Variants in OCA2 observed in about 807,000 individuals in gnomAD.
OCA2 encodes the protein P protein.
In OCA2, 77 loss-of-function variants were observed where a neutral mutation model predicts 100.2. The ratio of observed to expected loss-of-function variants is 0.77; its 90% CI spans 0.64 to 0.93. The LOEUF is 0.93. Ranked by LOEUF, OCA2 falls within the 40% of genes least tolerant of loss-of-function variation. OCA2 has a pLI of 0.00. For synonymous variants in OCA2, 432 were observed against 439.2 expected, an observed-to-expected ratio of 0.98 and a Z score of 0.21; for missense variants, 1,062 against 1,089.1, an observed-to-expected ratio of 0.98 and a Z score of 0.35.
At chr15:28,048,664 A>T (rs571835998) in intron 2 of OCA2, among the ~76,000 whole-genome samples, 4 of 152,200 alleles carry the variant, frequency 2.6e-5, no homozygotes, top group Admixed American at 2.0e-4. Flanking sequence ...ACAGAAAAAA[A>T]AATAGATAAA....
intron 21 of OCA2, among the ~76,000 whole-genome samples, chr15:27,864,107 C>G (rs548951639): frequency 8.5e-5 from 13 of 152,238 alleles, no homozygotes; most frequent in African/African-American, 3.1e-4. Flanking sequence ...CAGAGGGCAT[C>G]CATTGTGCAC....
chr15:27,960,937 C>T (rs1270441084), intron 15 of OCA2, among the ~76,000 whole-genome samples: 1 of 150,748 alleles, frequency 6.6e-6, no homozygotes, highest in African/African-American at 2.4e-5. Context: ...GTAACAAAAG[C>T]CAAAATTGAC....
chr15:28,075,195 G>A (rs892861440), intron 2 of OCA2, among the ~76,000 whole-genome samples: 17 of 152,180 alleles, frequency 1.1e-4, no homozygotes, highest in African/African-American at 4.1e-4. Flanking sequence ...AAAAATTTCT[G>A]CTCTCCAAAA....
the OCA2 span, among the ~76,000 whole-genome samples, chr15:27,721,832 A>T: frequency 2.0e-5 from 3 of 152,178 alleles, no homozygotes; most frequent in African/African-American, 7.2e-5. Flanking sequence ...TATTTTCATC[A>T]AAAAGGTAAT....
At chr15:28,081,226 C>T (rs2044611362) in intron 2 of OCA2, among the ~76,000 whole-genome samples, 1 of 152,120 alleles carries the variant, frequency 6.6e-6, no homozygotes, top group Non-Finnish European at 1.5e-5. Flanking sequence ...ACCCCTGAAT[C>T]TAAAATAAAA....
intron 10 of OCA2, among the ~76,000 whole-genome samples, 181 bp from the exon 11 acceptor site, chr15:27,989,847 G>A (rs1408622073): frequency 6.6e-6 from 1 of 152,172 alleles, no homozygotes; most frequent in Non-Finnish European, 1.5e-5. Flanking sequence ...TTGACCCAGG[G>A]CATCTATAAT....
chr15:27,927,186 G>A (rs945447445), intron 18 of OCA2, among the ~76,000 whole-genome samples: 2 of 152,158 alleles, frequency 1.3e-5, no homozygotes, highest in Admixed American at 1.3e-4. Flanking sequence ...CTACTTGGGA[G>A]GCTGAGGCAG....
chr15:28,014,782 T>G lies in OCA2; in HGVS notation c.1038A>C (p.Ile346=). The stretch of plus-strand genomic sequence containing the variant: ...GAGCAGGTGTGAAAGTTACCTCAAA[T>G]ATGATCAGCGCGTAGACGCCCGCGA... ...AILAGVYALI[I]FEIVHRTLAA... is the part of the protein sequence containing the mutation. Residue 346 remains isoleucine, a synonymous_variant, in exon 9 of 24, where the codon ATA becomes ATC. Coordinates refer to ENST00000354638, the MANE Select transcript of OCA2 (RefSeq NM_000275.3). The G allele has an allele frequency of 6.2e-6, 10 of 1,612,990 alleles. No homozygotes were observed. The highest frequency in any genetic ancestry group is 8.5e-6 in the Non-Finnish European group (10 of 1,179,940).
At position 27,859,017 on chromosome 15, in the gene OCA2, A is replaced by G. The variant is rs570317298; in HGVS notation, c.2245-7542T>C. On this transcript the variant is annotated intron_variant, in intron 21 of 23. Coordinates refer to ENST00000354638, the MANE Select transcript of OCA2 (RefSeq NM_000275.3). ...AACATACTAAAACTTGTGAAATTCA[A>G]TGAAAGCAGTGCTAATAGGAACATT... Among the ~76,000 whole-genome samples, 24 of 152,244 alleles carry G rather than the reference A, an allele frequency of 1.6e-4. No homozygotes were observed. In the South Asian group the frequency reaches 3.7e-3, roughly 24 times the overall value.
chr15:27,808,997 G>C (rs2033970521), intron 23 of OCA2, among the ~76,000 whole-genome samples: 1 of 152,122 alleles, frequency 6.6e-6, no homozygotes, highest in African/African-American at 2.4e-5. Flanking sequence ...ATGACCTTCA[G>C]AGGCATCCAG....
intron 12 of OCA2, 82 bp from the exon 13 acceptor site, chr15:27,985,270 AGAACAGG>A: frequency 1.3e-6 from 2 of 1,539,016 alleles, no homozygotes; most frequent in East Asian, 4.6e-5. Context: ...AGTGACTTTA[AGAACAGG>A]GAGCCAAACT....
chr15:28,085,468 C>G (rs937789982), intron 1 of OCA2, among the ~76,000 whole-genome samples: 7 of 152,132 alleles, frequency 4.6e-5, no homozygotes, highest in African/African-American at 9.7e-5. Flanking sequence ...CAAGCCAGAG[C>G]CCAAGCTGGA....
intron 19 of OCA2, among the ~76,000 whole-genome samples, chr15:27,921,288 G>A (rs2038849344): frequency 6.6e-6 from 1 of 152,018 alleles, no homozygotes; most frequent in Non-Finnish European, 1.5e-5. Flanking sequence ...GAGACCCGAA[G>A]TCAGAATGAC....
At chr15:28,019,047 G>A (rs553200568) in intron 6 of OCA2, among the ~76,000 whole-genome samples, 2 of 152,200 alleles carry the variant, frequency 1.3e-5, no homozygotes, top group South Asian at 2.1e-4. Flanking sequence ...CCTGTCCTTC[G>A]TGTCTAATCT....
intron 23 of OCA2, among the ~76,000 whole-genome samples, chr15:27,762,805 G>A (rs1697640730): frequency 6.6e-6 from 1 of 152,158 alleles, no homozygotes. Context: ...CTAGGCTTGT[G>A]TTAATTTCTC....
In OCA2 at chr15:27,873,379, G is replaced by A. The variant is rs1341126491; in HGVS notation, c.2080-1457C>T. 2.0e-5 allele frequency among the ~76,000 whole-genome samples: 3 copies of A among 152,130 alleles called. No individual in the cohort carries two copies. In the South Asian group the frequency reaches 6.2e-4, roughly 32 times the overall value. ...GTTAAGAACCAATGTTCCCAGGGGGGATAAAATCACCCACTGTTAAAGAAC... is the reference window on the plus strand; with the variant it reads ...GTTAAGAACCAATGTTCCCAGGGGGAATAAAATCACCCACTGTTAAAGAAC... On this transcript the variant is annotated intron_variant, in intron 19 of 23. Coordinates refer to ENST00000354638, the MANE Select transcript of OCA2 (RefSeq NM_000275.3).
intron 23 of OCA2, among the ~76,000 whole-genome samples, chr15:27,815,174 G>A (rs961827345): frequency 2.0e-5 from 3 of 152,208 alleles, no homozygotes; most frequent in Non-Finnish European, 2.9e-5. Flanking sequence ...CTAAATGGAC[G>A]GGGAGAAGCT....
intron 23 of OCA2, among the ~76,000 whole-genome samples, chr15:27,772,089 G>C (rs543368955): frequency 6.6e-6 from 1 of 152,226 alleles, no homozygotes; most frequent in Non-Finnish European, 1.5e-5. Context: ...AGCCGCCTGC[G>C]GGCCCACGAG....
chr15:27,772,531 G>T (rs1441936334), intron 23 of OCA2, among the ~76,000 whole-genome samples: 1 of 152,136 alleles, frequency 6.6e-6, no homozygotes, highest in Non-Finnish European at 1.5e-5. Context: ...TCTTGAAAAG[G>T]CCTATTTTCC....
Sources: allele counts gnomAD v4.1 joint callset (sites outside exome capture counted in the v4.1 genomes callset), GRCh38; gene constraint gnomAD v4.1.1; transcripts MANE v1.5; gene names NCBI Gene and HGNC (gene_info 2026-07-23, HGNC 2026-07-21).